RAPGEF4: variants seen among roughly 807,000 people sequenced by gnomAD.
The protein encoded by RAPGEF4 is RAP guanine-nucleotide-exchange factor (GEF) 4.
A neutral mutation model predicts 147.9 loss-of-function variants in RAPGEF4; 66 were observed. The ratio of observed to expected loss-of-function variants is 0.45; its 90% confidence interval spans 0.37 to 0.55. The LOEUF (loss-of-function observed/expected upper bound fraction) is 0.55. RAPGEF4 is among the 20% of genes least tolerant of loss of function. The pLI is 0.00. For synonymous variants in RAPGEF4, 419 were observed against 442.7 expected (o/e 0.95, Z 0.67); for missense variants, 1,071 against 1,257.3 (o/e 0.85, Z 2.24).
intron 4 of RAPGEF4, among the ~76,000 whole-genome samples, chr2:172,841,872 G>C (rs1691651831): frequency 6.7e-6 from 1 of 150,276 alleles, no homozygotes; most frequent in African/African-American, 2.4e-5. Flanking sequence ...TTTAAAAGCA[G>C]TTAAAAGGCA....
chr2:173,025,599 C>T (rs1330685102), intron 23 of RAPGEF4, among the ~76,000 whole-genome samples: 7 of 152,142 alleles, frequency 4.6e-5, no homozygotes, highest in East Asian at 3.9e-4. Context: ...CATGCCACTA[C>T]GCCCAGCTAA....
At chr2:172,893,038 T>C (rs1365656874) in intron 4 of RAPGEF4, among the ~76,000 whole-genome samples, 9 of 152,234 alleles carry the variant, frequency 5.9e-5, no homozygotes. Flanking sequence ...TATTGATCTA[T>C]GCAGTAAACA....
rs149354477 is a variant in RAPGEF4 at position 172,802,460 on chromosome 2, TC to T, written c.297+4848del. Among the ~76,000 whole-genome samples the T allele has an allele frequency of 9.8e-3, 1,486 of 152,300 alleles. 14 individuals carry two copies. Among genetic ancestry groups the T allele is most frequent in the African/African-American group, 0.033 (1,381 of 41,552 alleles). On this transcript the variant is annotated intron_variant, in intron 3 of 30. Transcript: ENST00000397081. ...AACGGTCAGATCTTGTGAGATTCAT[TC>T]ACTATCAGAGAACAGTACAGGAAAG...
intron 3 of RAPGEF4, among the ~76,000 whole-genome samples, chr2:172,806,039 G>C: frequency 6.6e-6 from 1 of 151,650 alleles, no homozygotes; most frequent in Admixed American, 6.6e-5. Context: ...GTGTGTGTGT[G>C]TGTGTGTGTG....
intron 4 of RAPGEF4, chr2:172,860,262 G>C: frequency 1.0e-6 from 1 of 985,422 alleles, no homozygotes; most frequent in East Asian, 1.1e-4. Flanking sequence ...TGTACCCCTA[G>C]GGCTCCTGCC....
intron 1 of RAPGEF4, among the ~76,000 whole-genome samples, chr2:172,765,026 G>A (rs540579990): frequency 9.2e-5 from 14 of 152,334 alleles, no homozygotes; most frequent in Non-Finnish European, 1.5e-4. Context: ...AAATGAAGGC[G>A]TTGTCAGGAC....
At chr2:172,782,693 T>C (rs1284816200) in intron 1 of RAPGEF4, among the ~76,000 whole-genome samples, 1 of 152,248 alleles carries the variant, frequency 6.6e-6, no homozygotes, top group Non-Finnish European at 1.5e-5. Flanking sequence ...GGAAAGCATT[T>C]TAAAGAAGCC....
At chr2:172,949,403 G>A (rs1241569764) in intron 6 of RAPGEF4, among the ~76,000 whole-genome samples, 1 of 152,114 alleles carries the variant, frequency 6.6e-6, no homozygotes, top group Admixed American at 6.5e-5. Context: ...GGTCCTGAGG[G>A]TGCACTCAGG....
At chr2:173,013,270 T>A (rs1362682097) in intron 17 of RAPGEF4, among the ~76,000 whole-genome samples, 6 of 152,206 alleles carry the variant, frequency 3.9e-5, no homozygotes, top group African/African-American at 1.4e-4. Context: ...GCCAGTCTTG[T>A]AGCTCGCTGT....
At chr2:172,764,201 C>T (rs1696614298) in intron 1 of RAPGEF4, among the ~76,000 whole-genome samples, 1 of 151,670 alleles carries the variant, frequency 6.6e-6, no homozygotes, top group South Asian at 2.1e-4. Context: ...TTGCATTGAA[C>T]CATGATCACG....
At chr2:172,788,035 G>A (rs1685399092) in intron 1 of RAPGEF4, among the ~76,000 whole-genome samples, 1 of 152,154 alleles carries the variant, frequency 6.6e-6, no homozygotes, top group Non-Finnish European at 1.5e-5. Flanking sequence ...GGTGAGGGCT[G>A]CTCTCTAACT....
chr2:172,995,788 G>C (rs1693295819), intron 15 of RAPGEF4, among the ~76,000 whole-genome samples: 1 of 152,178 alleles, frequency 6.6e-6, no homozygotes, highest in Non-Finnish European at 1.5e-5. Flanking sequence ...ACCATGGAAA[G>C]ATCTTCTGAA....
chr2:172,865,002 G>A (rs1320378614), intron 4 of RAPGEF4, among the ~76,000 whole-genome samples: 1 of 152,184 alleles, frequency 6.6e-6, no homozygotes, highest in Non-Finnish European at 1.5e-5. Context: ...GAATGAAGCA[G>A]GTCTGTGCCT....
chr2:172,764,698 C>A (rs1409282531), intron 1 of RAPGEF4, among the ~76,000 whole-genome samples: 1 of 152,166 alleles, frequency 6.6e-6, no homozygotes, highest in African/African-American at 2.4e-5. Flanking sequence ...TTTGTGGGAA[C>A]TACTTTGAGA....
At chr2:173,009,880 T>C (rs1694843339) in intron 17 of RAPGEF4, among the ~76,000 whole-genome samples, 1 of 152,242 alleles carries the variant, frequency 6.6e-6, no homozygotes, top group South Asian at 2.1e-4. Context: ...GGGATCAATT[T>C]CTACATCTCA....
chr2:172,897,148 C>T (rs1445866438), intron 4 of RAPGEF4, among the ~76,000 whole-genome samples: 2 of 152,180 alleles, frequency 1.3e-5, no homozygotes, highest in Non-Finnish European at 2.9e-5. Context: ...TCAGTGTTTT[C>T]TCTTTTTTTA....
chr2:172,802,111 G>A (rs1023151139), intron 3 of RAPGEF4, among the ~76,000 whole-genome samples: 2 of 152,206 alleles, frequency 1.3e-5, no homozygotes, highest in African/African-American at 4.8e-5. Context: ...GAGAGAAAGG[G>A]AGGCTCCTGA....
At chr2:172,999,620 G>A (rs1693702226) in intron 16 of RAPGEF4, among the ~76,000 whole-genome samples, 1 of 152,196 alleles carries the variant, frequency 6.6e-6, no homozygotes, top group Non-Finnish European at 1.5e-5. Flanking sequence ...CTAGTAGGAA[G>A]TGATGTTTTA....
chr2:172,777,206 C>T (rs1684253790), intron 1 of RAPGEF4, among the ~76,000 whole-genome samples: 2 of 152,174 alleles, frequency 1.3e-5, no homozygotes, highest in Admixed American at 1.3e-4. Flanking sequence ...CAGGGTGATC[C>T]AGGCAGCCTC....
Sources: allele counts gnomAD v4.1 joint callset (sites outside exome capture counted in the v4.1 genomes callset), GRCh38; gene constraint gnomAD v4.1.1; transcripts MANE v1.5; gene names NCBI Gene and HGNC (gene_info 2026-07-23, HGNC 2026-07-21).